AXDND1: variants seen among roughly 807,000 people sequenced by gnomAD.
AXDND1 encodes the protein axonemal dynein light chain domain containing 1, also known as axonemal dynein light chain domain-containing protein 1.
Under a neutral mutation model 137.5 loss-of-function variants are expected in AXDND1, and 110 were observed. The observed-to-expected ratio is 0.80, with a 90% CI of 0.69 to 0.94. The LOEUF (loss-of-function observed/expected upper bound fraction) is 0.94, where lower values mean the gene tolerates loss of function less well. Among genes scored for constraint, AXDND1 ranks in the 40% least tolerant of loss-of-function variants. AXDND1 has a pLI of 0.00. For missense variants in AXDND1, 1,191 were observed against 1,169.8 expected (o/e 1.02, Z -0.26); for synonymous variants, 414 against 399.7 (o/e 1.04, Z -0.43).
At chr1:179,415,219 G>T (rs1483839791) in intron 12 of AXDND1, among the ~76,000 whole-genome samples, 3 of 152,042 alleles carry the variant, frequency 2.0e-5, no homozygotes, top group African/African-American at 7.2e-5. Context: ...GCGGGTGTCT[G>T]TAGTCCCAGC....
chr1:179,400,774 A>G (rs1013172109), intron 11 of AXDND1, among the ~76,000 whole-genome samples: 6 of 151,102 alleles, frequency 4.0e-5, no homozygotes, highest in African/African-American at 1.2e-4. Flanking sequence ...GCATGGTGGC[A>G]GGCGCCTGTA....
intron 25 of AXDND1, among the ~76,000 whole-genome samples, chr1:179,548,146 C>T (rs1291895150): frequency 6.6e-6 from 1 of 152,166 alleles, no homozygotes; most frequent in Admixed American, 6.5e-5. Flanking sequence ...ATCGGGGCTG[C>T]CTTTCACACA....
At position 179,494,546 on chromosome 1, in the gene AXDND1, T is replaced by C. The variant is rs1352832793; in HGVS notation, c.2388+1595T>C. 4.6e-5 allele frequency among the ~76,000 whole-genome samples: 7 copies of C among 152,112 alleles called. No individual in the cohort carries two copies. The South Asian group carries it at 1.5e-3, about 32-fold the overall frequency. On this transcript the variant is annotated intron_variant, in intron 20 of 25. Transcript: ENST00000367618. ...TCTCTCAGTCTGTGATTTGTCTTTT[T>C]TTTTTTTTCCTAAGATAGTATTTTA...
rs150461062 is a variant in AXDND1 at position 179,553,862 on chromosome 1, C to T, written c.3032-650C>T. Among the ~76,000 whole-genome samples the T allele has an allele frequency of 5.2e-3, 785 of 152,030 alleles. 3 individuals carry two copies. The highest frequency in any genetic ancestry group is 0.018 in the African/African-American group (740 of 41,422). ...CCGGGTTCAAGTGATTCTCCTGCCT[C>T]AGCCTCCTGAGTAGCTGGGATTACA... is the stretch of plus-strand genomic sequence containing the variant. On this transcript the variant is annotated intron_variant, in intron 25 of 25. Coordinates refer to ENST00000367618, the MANE Select transcript of AXDND1 (RefSeq NM_144696.6).
At chr1:179,421,042 T>A (rs908358284) in intron 12 of AXDND1, among the ~76,000 whole-genome samples, 292 of 26,332 alleles carry the variant, frequency 0.011, no homozygotes, top group African/African-American at 0.024. Flanking sequence ...TATCCCTTCC[T>A]TCCTTCCTTC....
At chr1:179,523,943 T>A (rs541848912) in intron 21 of AXDND1, among the ~76,000 whole-genome samples, 1 of 152,160 alleles carries the variant, frequency 6.6e-6, no homozygotes, top group Non-Finnish European at 1.5e-5. Flanking sequence ...CTCCCACTTA[T>A]GAGTGAGAAC....
At chr1:179,389,802 A>G (rs1284668570) in intron 9 of AXDND1, among the ~76,000 whole-genome samples, 1 of 151,970 alleles carries the variant, frequency 6.6e-6, no homozygotes, top group Non-Finnish European at 1.5e-5. Flanking sequence ...TAGTTCCTAT[A>G]TTGTCAGGAG....
Position 179,528,368 on chromosome 1 carries a change from C to A in AXDND1, c.2652C>A (p.Phe884Leu). ...TSTEKEKLIR[F>L]IGEDENVHSK... is the part of the protein sequence containing the mutation. The stretch of plus-strand genomic sequence containing the variant: ...CAGAGAAGGAAAAACTCATTCGATT[C>A]ATTGGAGAAGATGAAAATGTTCATT... Residue 884 changes from phenylalanine to leucine, a missense_variant, in exon 23 of 26, where the codon TTC (phenylalanine) becomes TTA (leucine). Phe to Leu is a conservative substitution (Grantham distance 22, BLOSUM62 0). Coordinates refer to ENST00000367618, the MANE Select transcript of AXDND1 (RefSeq NM_144696.6). 1 of 1,613,924 alleles carries A rather than the reference C, an allele frequency of 6.2e-7. No homozygotes were observed. The highest frequency in any genetic ancestry group is 8.5e-7 in the Non-Finnish European group (1 of 1,179,862).
At chr1:179,382,652 G>A (rs563882921) in intron 6 of AXDND1, 48 bp from the exon 7 acceptor site, 1 of 1,399,400 alleles carries the variant, frequency 7.1e-7, no homozygotes, top group Admixed American at 1.7e-5. Context: ...TGATAAACAG[G>A]CCAGAAAATT....
chr1:179,412,573 A>G (rs1278396624), intron 12 of AXDND1, among the ~76,000 whole-genome samples: 3 of 152,126 alleles, frequency 2.0e-5, no homozygotes, highest in Admixed American at 6.6e-5. Flanking sequence ...TAGTGGAATC[A>G]AGGCTTGTTA....
intron 16 of AXDND1, chr1:179,457,140 C>A (rs1369976455): frequency 6.7e-6 from 6 of 900,682 alleles, no homozygotes; most frequent in African/African-American, 1.6e-5. Flanking sequence ...TCCACCTTCT[C>A]CGCAGTGGCA....
intron 23 of AXDND1, among the ~76,000 whole-genome samples, chr1:179,530,929 TAAAG>T (rs1670984219): frequency 1.3e-5 from 2 of 152,104 alleles, no homozygotes; most frequent in Admixed American, 6.5e-5. Flanking sequence ...AGCATTGCAG[TAAAG>T]AAAGAGTTTA....
chr1:179,394,213 T>C (rs1650654575), intron 10 of AXDND1, among the ~76,000 whole-genome samples, 170 bp downstream of exon 10: 1 of 152,202 alleles, frequency 6.6e-6, no homozygotes, highest in South Asian at 2.1e-4. Flanking sequence ...GATATAGATA[T>C]AGATAAATGG....
At chr1:179,456,413 A>G in intron 16 of AXDND1, 2 of 777,460 alleles carry the variant, frequency 2.6e-6, no homozygotes, top group South Asian at 2.7e-5. Flanking sequence ...TGTAGCTTCC[A>G]CTACCTCCAA....
intron 16 of AXDND1, among the ~76,000 whole-genome samples, chr1:179,465,014 T>C (rs1662924630): frequency 6.8e-6 from 1 of 146,748 alleles, no homozygotes; most frequent in Non-Finnish European, 1.5e-5. Flanking sequence ...TAGCCATTCA[T>C]CTAATCTTTT....
At chr1:179,366,705 T>C in intron 2 of AXDND1, 99 bp downstream of exon 2, 2 of 961,418 alleles carry the variant, frequency 2.1e-6, no homozygotes, top group Non-Finnish European at 3.2e-6. Flanking sequence ...CAGAATACCT[T>C]GATTGGCTAC....
chr1:179,451,016 A>G (rs1461925262), intron 16 of AXDND1: 1 of 152,234 alleles, frequency 6.6e-6, no homozygotes, highest in African/African-American at 2.4e-5. Flanking sequence ...GTTTGCATCT[A>G]TAGTTATAAG....
intron 21 of AXDND1, among the ~76,000 whole-genome samples, chr1:179,516,487 TG>T (rs1228770042): frequency 6.6e-6 from 1 of 152,228 alleles, no homozygotes; most frequent in East Asian, 1.9e-4. Flanking sequence ...TTGGAACCAT[TG>T]CTGGTGAGCT....
intron 3 of AXDND1, among the ~76,000 whole-genome samples, chr1:179,369,662 AAT>A (rs201045376): frequency 5.1e-5 from 7 of 136,446 alleles, no homozygotes; most frequent in African/African-American, 8.3e-5. Context: ...AAAAAAAAAA[AAT>A]TTAAAATAAT....
Sources: allele counts gnomAD v4.1 joint callset (sites outside exome capture counted in the v4.1 genomes callset), GRCh38; gene constraint gnomAD v4.1.1; transcripts MANE v1.5; gene names NCBI Gene and HGNC (gene_info 2026-07-23, HGNC 2026-07-21).